PIBF1: variants seen among roughly 807,000 people sequenced by gnomAD.
The protein encoded by PIBF1 is progesterone-induced-blocking factor 1.
In PIBF1, 90 loss-of-function variants were observed where a neutral mutation model predicts 112.5. The ratio of observed to expected loss-of-function variants is 0.80; its 90% CI spans 0.67 to 0.95. The LOEUF is 0.95. Among genes scored for constraint, PIBF1 ranks in the 40% least tolerant of loss-of-function variants. The pLI, the probability that PIBF1 is intolerant of heterozygous loss-of-function variation, is 0.00. For synonymous variants in PIBF1, 301 were observed against 288.6 expected (o/e 1.04, Z -0.44); for missense variants, 915 against 852.3 (o/e 1.07, Z -0.92).
intron 17 of PIBF1, among the ~76,000 whole-genome samples, chr13:73,007,172 C>T (rs142421180): frequency 0.01 from 1,554 of 151,462 alleles, 23 homozygotes; most frequent in African/African-American, 0.034. Flanking sequence ...CAAATTTTGT[C>T]ATATAAAGCA....
At chr13:72,884,252 C>T (rs939766315) in intron 10 of PIBF1, among the ~76,000 whole-genome samples, 2 of 152,188 alleles carry the variant, frequency 1.3e-5, no homozygotes, top group African/African-American at 4.8e-5. Flanking sequence ...TTGGTCTCTA[C>T]ACACCCTGAT....
chr13:72,851,271 T>G (rs772103704), intron 9 of PIBF1, among the ~76,000 whole-genome samples: 22 of 152,208 alleles, frequency 1.4e-4, no homozygotes, highest in African/African-American at 5.1e-4. Context: ...CCTCACTATC[T>G]TCGGCCTAGG....
intron 11 of PIBF1, 21 bp from the exon 12 acceptor site, chr13:72,908,510 A>G (rs186482823): frequency 1.3e-6 from 2 of 1,558,940 alleles, no homozygotes; most frequent in South Asian, 1.2e-5. Context: ...TGCCTTTGTA[A>G]TTCTTCTCTT....
Position 72,965,419 on chromosome 13 carries a change from A to G in PIBF1, c.1964+15A>G, listed in dbSNP as rs1203753249. 1.3e-6 allele frequency: 2 copies of G among 1,589,068 alleles called. No homozygotes were observed. Among genetic ancestry groups the G allele is most frequent in the Non-Finnish European group, 1.7e-6 (2 of 1,168,146 alleles). ...AAAGATGTCAGGTAAACCATCTACA[A>G]ATCTTTTATTTGAATAATAAAGACA... On this transcript the variant is annotated intron_variant, in intron 15 of 17. Transcript: ENST00000326291.
chr13:72,938,853 G>A (rs1416127038), intron 14 of PIBF1, among the ~76,000 whole-genome samples: 1 of 152,000 alleles, frequency 6.6e-6, no homozygotes, highest in Non-Finnish European at 1.5e-5. Flanking sequence ...TTTAACTCTA[G>A]CCATCCTGGC....
intron 9 of PIBF1, among the ~76,000 whole-genome samples, chr13:72,842,836 G>A (rs2037673916): frequency 6.6e-6 from 1 of 152,018 alleles, no homozygotes; most frequent in South Asian, 2.1e-4. Flanking sequence ...AACTCTCTCA[G>A]CATCTTCTCA....
intron 14 of PIBF1, among the ~76,000 whole-genome samples, chr13:72,955,371 G>GTT (rs1432561308): frequency 3.5e-5 from 5 of 143,762 alleles, no homozygotes; most frequent in Admixed American, 7.1e-5. Context: ...AAATGTGTGT[G>GTT]TTTGTGTGTG....
intron 11 of PIBF1, 71 bp downstream of exon 11, chr13:72,894,020 G>A (rs1015159340): frequency 8.3e-6 from 3 of 362,252 alleles, no homozygotes; most frequent in Non-Finnish European, 1.3e-5. Context: ...TTTATATTGA[G>A]CTTTATTTCT....
At chr13:72,902,779 A>G (rs1028436584) in intron 11 of PIBF1, among the ~76,000 whole-genome samples, 7 of 152,210 alleles carry the variant, frequency 4.6e-5, no homozygotes, top group African/African-American at 1.7e-4. Flanking sequence ...GATTTGGGGA[A>G]AAGGCTAATT....
intron 14 of PIBF1, among the ~76,000 whole-genome samples, chr13:72,951,468 G>C (rs1273508294): frequency 6.6e-6 from 1 of 152,080 alleles, no homozygotes; most frequent in East Asian, 1.9e-4. Flanking sequence ...GAAAATGCAG[G>C]GGTTTATTTT....
chr13:72,936,503 A>G (rs1039747431), intron 14 of PIBF1, among the ~76,000 whole-genome samples: 1 of 152,132 alleles, frequency 6.6e-6, no homozygotes, highest in African/African-American at 2.4e-5. Flanking sequence ...TCTGTGATTC[A>G]TTTTTAGTTT....
chr13:72,942,761 G>A, intron 14 of PIBF1, among the ~76,000 whole-genome samples: 1 of 152,134 alleles, frequency 6.6e-6, no homozygotes, highest in Non-Finnish European at 1.5e-5. Flanking sequence ...AGCACTTTGG[G>A]AGGTCAAGGC....
At chr13:73,010,814 T>C (rs1462798421) in intron 17 of PIBF1, among the ~76,000 whole-genome samples, 1 of 99,426 alleles carries the variant, frequency 1.0e-5, no homozygotes, top group Non-Finnish European at 2.0e-5. Context: ...ACTTTTCTTT[T>C]TTTTTTTTTT....
chr13:72,981,856 C>T (rs1319195836), intron 16 of PIBF1, among the ~76,000 whole-genome samples: 2 of 152,136 alleles, frequency 1.3e-5, no homozygotes, highest in Non-Finnish European at 2.9e-5. Context: ...CTGGCATTAC[C>T]TTTATATTCC....
intron 16 of PIBF1, among the ~76,000 whole-genome samples, chr13:72,990,723 C>T (rs2043451893): frequency 6.6e-6 from 1 of 151,260 alleles, no homozygotes; most frequent in African/African-American, 2.4e-5. Context: ...TGGCACATGC[C>T]TGTAATCCCA....
At chr13:72,929,242 C>G (rs895757426) in intron 13 of PIBF1, among the ~76,000 whole-genome samples, 1 of 152,146 alleles carries the variant, frequency 6.6e-6, no homozygotes, top group African/African-American at 2.4e-5. Context: ...TAATGATAAA[C>G]TGATGCTTGC....
intron 16 of PIBF1, among the ~76,000 whole-genome samples, chr13:72,986,790 A>C (rs2043303496): frequency 6.8e-6 from 1 of 146,564 alleles, no homozygotes; most frequent in Non-Finnish European, 1.5e-5. Context: ...TCCCGGGTTC[A>C]CGCCATTCTC....
intron 14 of PIBF1, among the ~76,000 whole-genome samples, chr13:72,945,401 C>A (rs916630375): frequency 6.6e-6 from 1 of 152,114 alleles, no homozygotes; most frequent in Non-Finnish European, 1.5e-5. Context: ...TGGGTTTATA[C>A]CCAGTAATGA....
rs71099771 is a variant in PIBF1, at chr13:72,949,300, C to CTTTTTTT, written c.1834-15947_1834-15941dup. On this transcript the variant is annotated intron_variant, in intron 14 of 17. Transcript: ENST00000326291. ...AACTACTACCTAGACAAATAGCTGT[C>CTTTTTTT]TTTTTTTTTTTTTTTTTTTTTTTTT... Among the ~76,000 whole-genome samples, 102 of 54,982 alleles carry CTTTTTTT rather than the reference C, an allele frequency of 1.9e-3. 20 individuals are homozygous for CTTTTTTT. The highest frequency in any genetic ancestry group is 0.042 in the Middle Eastern group (2 of 48). 36.1% of individuals were successfully genotyped at this position (54,982 alleles called of 152,430 possible). A position where few individuals can be genotyped will look rare whatever the true frequency, so the allele number is the denominator to read the frequency against.
Sources: gnomAD v4.1 joint callset for allele counts (sites outside exome capture counted in the v4.1 genomes callset) on GRCh38, gnomAD v4.1.1 for gene constraint, MANE v1.5 for transcripts, NCBI Gene and HGNC (gene_info 2026-07-23, HGNC 2026-07-21) for gene names.